EIF4G3: variants seen among roughly 807,000 people sequenced by gnomAD.
The protein encoded by EIF4G3 is eukaryotic translation initiation factor 4 gamma 3.
EIF4G3 carries 34 observed loss-of-function variants against 186.4 expected under a neutral mutation model. That is an observed-to-expected ratio of 0.18 (90% CI 0.14 to 0.24). EIF4G3 has a LOEUF of 0.24. EIF4G3 is among the 10% of genes least tolerant of loss of function. The pLI, the probability that EIF4G3 is intolerant of heterozygous loss-of-function variation, is 1.00. For synonymous variants in EIF4G3, 673 were observed against 679.5 expected, an observed-to-expected ratio of 0.99 and a Z score of 0.15; for missense variants, 1,536 against 1,948.5, an observed-to-expected ratio of 0.79 and a Z score of 3.99.
rs5772930 is a variant in EIF4G3 at position 21,000,128 on chromosome 1, T to TAA, written c.144+1069_144+1070dup. On this transcript the variant is annotated intron_variant, in intron 6 of 36. Coordinates refer to ENST00000602326, the MANE Select transcript of EIF4G3 (RefSeq NM_001391906.1). ...AGCTTCACTACTTTAGACAGGCTAT[T>TAA]AAAAAAAAAAAACAACTACTGCTGT... Among the ~76,000 whole-genome samples the TAA allele has an allele frequency of 7.5e-4, 110 of 145,760 alleles. 1 individual carries two copies. Among genetic ancestry groups the TAA allele is most frequent in the South Asian group, 6.7e-3 (31 of 4,602 alleles).
intron 2 of EIF4G3, among the ~76,000 whole-genome samples, chr1:21,093,318 G>C (rs1357538857): frequency 1.3e-5 from 2 of 152,170 alleles, no homozygotes; most frequent in African/African-American, 4.8e-5. Flanking sequence ...CTCAAAAGAA[G>C]ACATTTTTGC....
chr1:21,002,962 C>G (rs1293177226), intron 4 of EIF4G3, among the ~76,000 whole-genome samples, 154 bp from the exon 5 acceptor site: 4 of 150,680 alleles, frequency 2.7e-5, no homozygotes, highest in Non-Finnish European at 1.5e-5. Flanking sequence ...TATCCAGTAA[C>G]TCAAAATCAG....
At chr1:20,817,687 T>TA in intron 33 of EIF4G3, 149 bp from the exon 34 acceptor site, 1 of 405,704 alleles carries the variant, frequency 2.5e-6, no homozygotes, top group South Asian at 7.3e-5. Context: ...TGTAGTTTTT[T>TA]TTTTTTTTTT....
chr1:20,807,157 T>C lies in EIF4G3; in HGVS notation c.*162A>G, dbSNP rs1570730228. ...AGTTTACTTTTATCCAGTACCTTTT[T>C]CCTCCATGATCACCTTTTTTTCTCT... On this transcript the variant is annotated 3_prime_UTR_variant, in exon 37 of 37. Transcript: ENST00000602326. 8.9e-5 allele frequency: 47 copies of C among 530,102 alleles called. No individual in the cohort carries two copies. The East Asian group carries it at 1.5e-3, about 17-fold the overall frequency. 32.8% of individuals were successfully genotyped at this position (530,102 alleles called of 1,614,324 possible).
chr1:21,053,589 AG>A (rs1243305409), intron 3 of EIF4G3, among the ~76,000 whole-genome samples: 7 of 126,614 alleles, frequency 5.5e-5, no homozygotes, highest in Non-Finnish European at 1.0e-4. Context: ...TCCGGGAGGG[AG>A]GTTGGGGGGT....
At position 21,110,779 on chromosome 1, in the gene EIF4G3, C is replaced by T. The variant is rs1572705032; in HGVS notation, c.-271-21566G>A. Among the ~76,000 whole-genome samples, 4 of 152,202 alleles carry T rather than the reference C, an allele frequency of 2.6e-5. No individual in the cohort carries two copies. In the East Asian group the frequency reaches 7.7e-4, roughly 29 times the overall value. On this transcript the variant is annotated intron_variant, in intron 2 of 36. Coordinates refer to ENST00000602326, the MANE Select transcript of EIF4G3 (RefSeq NM_001391906.1). Reference sequence around the variant, plus strand: ...ACAGGGTTTCACCATGTTGGCCAGGCTGGTCTCAAACTCCTGACCTCAGGT... The same window carrying T: ...ACAGGGTTTCACCATGTTGGCCAGGTTGGTCTCAAACTCCTGACCTCAGGT...
At chr1:20,855,191 T>C (rs1247764952) in intron 25 of EIF4G3, 120 bp from the exon 26 acceptor site, 1 of 689,252 alleles carries the variant, frequency 1.5e-6, no homozygotes, top group Non-Finnish European at 2.4e-6. Context: ...TTGTTTGGAA[T>C]GCCAATTTAA....
At chr1:21,128,162 G>A (rs1449188128) in intron 2 of EIF4G3, among the ~76,000 whole-genome samples, 2 of 150,712 alleles carry the variant, frequency 1.3e-5, no homozygotes, top group Non-Finnish European at 2.9e-5. Context: ...AGCCAAGATC[G>A]AGCCACTGCA....
intron 6 of EIF4G3, 93 bp from the exon 7 acceptor site, chr1:20,997,726 A>G (rs1419869224): frequency 5.9e-6 from 6 of 1,017,486 alleles, no homozygotes; most frequent in Non-Finnish European, 8.4e-6. Context: ...ATATGCCAAA[A>G]GAAAAAAAAC....
At chr1:20,883,704 ATAAAG>A (rs1385309083) in intron 19 of EIF4G3, among the ~76,000 whole-genome samples, 3 of 152,196 alleles carry the variant, frequency 2.0e-5, no homozygotes, top group Non-Finnish European at 4.4e-5. Flanking sequence ...AAGAAAAAAA[ATAAAG>A]TAGATATTTT....
At chr1:21,030,514 C>G (rs1168605251) in intron 4 of EIF4G3, among the ~76,000 whole-genome samples, 2 of 152,200 alleles carry the variant, frequency 1.3e-5, no homozygotes, top group Non-Finnish European at 2.9e-5. Context: ...CCAAGTCCAA[C>G]AAACCTCTTT....
intron 12 of EIF4G3, among the ~76,000 whole-genome samples, chr1:20,957,866 A>C (rs906267770): frequency 7.2e-5 from 11 of 152,194 alleles, no homozygotes; most frequent in Non-Finnish European, 1.6e-4. Flanking sequence ...CAAACCCTGA[A>C]CAGACCAATG....
At chr1:21,040,281 T>A (rs1401341841) in intron 4 of EIF4G3, among the ~76,000 whole-genome samples, 1 of 152,194 alleles carries the variant, frequency 6.6e-6, no homozygotes, top group Non-Finnish European at 1.5e-5. Context: ...CACGGTTAAG[T>A]GAGCTTCTAC....
chr1:20,982,477 TGGAA>T, intron 7 of EIF4G3, 69 bp from the exon 8 acceptor site: 1 of 1,271,294 alleles, frequency 7.9e-7, no homozygotes, highest in South Asian at 1.4e-5. Context: ...ACAGATCAGT[TGGAA>T]GGGACAGGAA....
chr1:21,172,824 A>G (rs1219373804), intron 2 of EIF4G3, among the ~76,000 whole-genome samples: 1 of 151,276 alleles, frequency 6.6e-6, no homozygotes, highest in East Asian at 2.0e-4. Flanking sequence ...CTGGGATTAC[A>G]GGAATCCTCT....
At chr1:20,983,768 T>C (rs752570792) in intron 7 of EIF4G3, among the ~76,000 whole-genome samples, 3 of 152,194 alleles carry the variant, frequency 2.0e-5, no homozygotes, top group Non-Finnish European at 2.9e-5. Flanking sequence ...TGATCATCTA[T>C]TATGGTAACA....
intron 30 of EIF4G3, among the ~76,000 whole-genome samples, chr1:20,838,847 TTA>T (rs1309325928): frequency 1.3e-5 from 2 of 152,080 alleles, no homozygotes; most frequent in Non-Finnish European, 2.9e-5. Flanking sequence ...TAGCTAATTT[TTA>T]TATTTTTAGT....
Position 20,956,181 on chromosome 1 carries a change from A to G in EIF4G3, c.715-6070T>C, listed in dbSNP as rs368604672. 2.0e-5 allele frequency among the ~76,000 whole-genome samples: 3 copies of G among 152,246 alleles called. No individual in the cohort carries two copies. The East Asian group carries it at 5.8e-4, about 29-fold the overall frequency. ...TTCTATACTAATTCTTTCTATACTAATATGGTTTGACTGTCCCCACCCAAA... is the reference window on the plus strand; with the variant it reads ...TTCTATACTAATTCTTTCTATACTAGTATGGTTTGACTGTCCCCACCCAAA... On this transcript the variant is annotated intron_variant, in intron 12 of 36. Coordinates refer to ENST00000602326, the MANE Select transcript of EIF4G3 (RefSeq NM_001391906.1).
chr1:20,981,811 TATAC>T (rs1175682646), intron 8 of EIF4G3, among the ~76,000 whole-genome samples: 4 of 151,726 alleles, frequency 2.6e-5, no homozygotes, highest in Admixed American at 1.3e-4. Context: ...ATACTGTATA[TATAC>T]ATACATATAT....
Sources: allele counts gnomAD v4.1 joint callset (sites outside exome capture counted in the v4.1 genomes callset), GRCh38; gene constraint gnomAD v4.1.1; transcripts MANE v1.5; gene names NCBI Gene and HGNC (gene_info 2026-07-23, HGNC 2026-07-21).